Variants in SLC12A8 observed in about 807,000 individuals in gnomAD.
SLC12A8 encodes the protein solute carrier family 12 member 8.
In SLC12A8, 69 loss-of-function variants were observed where a neutral mutation model predicts 75.6. The observed-to-expected ratio is 0.91, with a 90% CI of 0.75 to 1.11. The LOEUF is 1.11. SLC12A8 is among the 50% of genes most tolerant of loss of function. The probability of loss-of-function intolerance (pLI) is 0.00; values close to 1 mark genes in which losing one functional copy is unlikely to be tolerated. For missense variants in SLC12A8, 877 were observed against 896.7 expected, an observed-to-expected ratio of 0.98 and a Z score of 0.28; for synonymous variants, 365 against 372.8, an observed-to-expected ratio of 0.98 and a Z score of 0.24.
rs1185964223 is a variant in SLC12A8 at position 125,082,754 on chromosome 3, A to G, written c.*1136T>C. The G allele has an allele frequency of 6.6e-6, 1 of 152,236 alleles. No individual in the cohort carries two copies. The highest frequency in any genetic ancestry group is 1.9e-4 in the East Asian group (1 of 5,208). The allele number at this position is 152,236 out of a possible 1,614,324, so 9.4% of individuals were successfully genotyped here. On this transcript the variant is annotated 3_prime_UTR_variant, in exon 14 of 14. Coordinates refer to ENST00000469902, the MANE Select transcript of SLC12A8 (RefSeq NM_024628.6). ...TTTTGGGAATTTATCCTAGAGATACACTTTATGCTTGCACATTTGTACAAG... is the reference window on the plus strand; with the variant it reads ...TTTTGGGAATTTATCCTAGAGATACGCTTTATGCTTGCACATTTGTACAAG...
chr3:125,091,747 G>A (rs1403690976), intron 11 of SLC12A8, among the ~76,000 whole-genome samples, 191 bp from the exon 12 acceptor site: 2 of 152,092 alleles, frequency 1.3e-5, no homozygotes, highest in East Asian at 3.8e-4. Flanking sequence ...GACACCTTCT[G>A]AAAATAACTC....
At chr3:125,097,308 A>G (rs1452636741) in intron 10 of SLC12A8, among the ~76,000 whole-genome samples, 1 of 152,074 alleles carries the variant, frequency 6.6e-6, no homozygotes, top group East Asian at 1.9e-4. Flanking sequence ...AGAATTGCTT[A>G]AACCCAGGAG....
intron 13 of SLC12A8, 151 bp downstream of exon 13, chr3:125,088,159 G>T: frequency 1.5e-6 from 1 of 669,952 alleles, no homozygotes; most frequent in South Asian, 1.9e-5. Flanking sequence ...GTGCACGCAG[G>T]AGCAACATCT....
At chr3:125,192,707 A>G (rs1367985423) in intron 2 of SLC12A8, 4 of 154,482 alleles carry the variant, frequency 2.6e-5, no homozygotes, top group Non-Finnish European at 5.9e-5. Flanking sequence ...GAATGAAAAT[A>G]TAACTGGTTT....
rs1182246845 is a variant in SLC12A8 at position 125,177,860 on chromosome 3, G to A, written c.505C>T (p.Leu169=). The A allele has an allele frequency of 6.2e-7, 1 of 1,614,076 alleles. No homozygotes were observed. The highest frequency in any genetic ancestry group is 1.7e-5 in the Admixed American group (1 of 60,006). Residue 169 remains leucine, a synonymous_variant, in exon 5 of 14, where the codon CTG becomes TTG. Transcript: ENST00000469902. ...GISVAVLLAL[L]GINLAGVKWI... ...TTGACACCTGCGAGGTTAATGCCCA[G>A]CAAGGCCAGAAGCACCGCAACTGAA...
chr3:125,118,970 A>G, intron 7 of SLC12A8, 114 bp from the exon 8 acceptor site: 1 of 695,972 alleles, frequency 1.4e-6, no homozygotes, highest in Non-Finnish European at 2.5e-6. Flanking sequence ...AATGAGAGAA[A>G]GGCCAGTCAT....
At chr3:125,191,455 GACT>G (rs1934907389) in intron 2 of SLC12A8, among the ~76,000 whole-genome samples, 1 of 115,412 alleles carries the variant, frequency 8.7e-6, no homozygotes, top group East Asian at 3.0e-4. Context: ...GACCACAAAC[GACT>G]ACAGCAGTGA....
chr3:125,135,581 T>C (rs702048), intron 6 of SLC12A8, 88 bp downstream of exon 6: 676,899 of 705,198 alleles, frequency 0.96, 327,407 homozygotes, highest in Non-Finnish European at 0.99. Context: ...ATACCAAGAG[T>C]ACCTGCAGGC....
chr3:125,172,198 C>T (rs910187556), intron 5 of SLC12A8, among the ~76,000 whole-genome samples: 6 of 151,578 alleles, frequency 4.0e-5, no homozygotes, highest in Non-Finnish European at 7.4e-5. Flanking sequence ...CACTTGAACC[C>T]GGGAGGTGGC....
intron 2 of SLC12A8, among the ~76,000 whole-genome samples, chr3:125,201,093 C>T (rs1935111588): frequency 1.3e-5 from 2 of 152,082 alleles, no homozygotes; most frequent in Non-Finnish European, 2.9e-5. Context: ...AGAAGACATT[C>T]ACACAACAAA....
intron 12 of SLC12A8, among the ~76,000 whole-genome samples, chr3:125,090,771 C>G (rs1364976527): frequency 6.6e-6 from 1 of 152,094 alleles, no homozygotes; most frequent in South Asian, 2.1e-4. Context: ...CCTGATGTAT[C>G]TTTTTCCTTC....
At chr3:125,123,778 G>A (rs941650533) in intron 6 of SLC12A8, among the ~76,000 whole-genome samples, 7 of 152,172 alleles carry the variant, frequency 4.6e-5, no homozygotes, top group Non-Finnish European at 1.0e-4. Context: ...TTCAAGGTGA[G>A]ATTTGAGTGG....
At position 125,190,406 on chromosome 3, in the gene SLC12A8, A is replaced by T. The variant is rs761508605; in HGVS notation, c.167T>A (p.Val56Asp). The T allele has an allele frequency of 3.7e-6, 6 of 1,614,136 alleles. No homozygotes were observed. Among genetic ancestry groups the T allele is most frequent in the Admixed American group, 3.3e-5 (2 of 60,020 alleles). ...FTSCMINIFG[V>D]VLFLRTGWLV... ...CCAGCCAGTCCTCAGGAAGAGCACA[A>T]CCCCAAAGATGTTGATCATGCAGGA... The change falls in exon 3 of 14, where the codon GTT becomes GAT. Residue 56 changes from valine (V) to aspartate (D), a missense_variant. Val to Asp is a radical substitution (Grantham distance 152). Transcript: ENST00000469902.
At chr3:125,169,960 G>T (rs1489074254) in intron 5 of SLC12A8, among the ~76,000 whole-genome samples, 5 of 145,142 alleles carry the variant, frequency 3.4e-5, no homozygotes, top group Non-Finnish European at 7.7e-5. Context: ...ATCTGGAAAA[G>T]AAAATAGGGA....
At chr3:125,120,525 G>T in intron 7 of SLC12A8, 74 bp downstream of exon 7, 1 of 1,060,634 alleles carries the variant, frequency 9.4e-7, no homozygotes. Context: ...AGAACAAAAG[G>T]GGCAATCCCT....
intron 8 of SLC12A8, 24 bp downstream of exon 8, chr3:125,118,745 T>C: frequency 6.3e-7 from 1 of 1,577,380 alleles, no homozygotes; most frequent in South Asian, 1.1e-5. Flanking sequence ...ACTGAGCCCT[T>C]GGAGTAGCGC....
At chr3:125,209,449 C>T (rs553327723) in intron 2 of SLC12A8, among the ~76,000 whole-genome samples, 4 of 152,328 alleles carry the variant, frequency 2.6e-5, no homozygotes, top group Admixed American at 6.5e-5. Context: ...ACCCTCCCAC[C>T]TGGAATATGC....
intron 3 of SLC12A8, among the ~76,000 whole-genome samples, chr3:125,187,644 A>T (rs28986277): frequency 0.15 from 22,051 of 152,020 alleles, 1,748 homozygotes; most frequent in Middle Eastern, 0.18. Context: ...CTGGCTGCAA[A>T]TTCTTCAATG....
At chr3:125,124,846 G>A (rs1028907275) in intron 6 of SLC12A8, among the ~76,000 whole-genome samples, 18 of 152,292 alleles carry the variant, frequency 1.2e-4, no homozygotes, top group Non-Finnish European at 2.2e-4. Flanking sequence ...TGCATCCAGT[G>A]CAATTTTAAA....
Sources: allele counts gnomAD v4.1 joint callset (sites outside exome capture counted in the v4.1 genomes callset), GRCh38; gene constraint gnomAD v4.1.1; transcripts MANE v1.5; gene names NCBI Gene and HGNC (gene_info 2026-07-23, HGNC 2026-07-21).